Variants in CCDC63 observed in about 807,000 individuals in gnomAD.
CCDC63 encodes coiled-coil domain containing 63, also known as coiled-coil domain-containing protein 63.
CCDC63 carries 54 observed loss-of-function variants against 63.6 expected under a neutral mutation model. That is an observed-to-expected ratio of 0.85 (90% CI 0.68 to 1.07). The LOEUF (loss-of-function observed/expected upper bound fraction) is 1.07. CCDC63 is among the 50% of genes least tolerant of loss of function. The pLI is 0.00. For synonymous variants in CCDC63, 253 were observed against 266.1 expected (o/e 0.95, Z 0.48); for missense variants, 637 against 689.6 (o/e 0.92, Z 0.86).
At chr12:110,878,218 A>T (rs893200989) in intron 5 of CCDC63, among the ~76,000 whole-genome samples, 4 of 152,104 alleles carry the variant, frequency 2.6e-5, no homozygotes, top group African/African-American at 9.7e-5. Context: ...ACATATATAT[A>T]CCTATATGCA....
chr12:110,868,136 C>T (rs7973874), intron 4 of CCDC63, among the ~76,000 whole-genome samples: 29,339 of 144,494 alleles, frequency 0.2, 3,107 homozygotes, highest in African/African-American at 0.27. Flanking sequence ...AGACGATGGG[C>T]GGCCGGGCAG....
At chr12:110,866,684 G>A (rs371420500) in intron 4 of CCDC63, among the ~76,000 whole-genome samples, 1 of 150,746 alleles carries the variant, frequency 6.6e-6, no homozygotes, top group African/African-American at 2.4e-5. Context: ...TTTTCTTAGT[G>A]CAGAACAAAA....
chr12:110,867,838 G>GC (rs1566122410), intron 4 of CCDC63, among the ~76,000 whole-genome samples: 1 of 150,430 alleles, frequency 6.6e-6, no homozygotes, highest in Non-Finnish European at 1.5e-5. Context: ...GGGCAGAGGC[G>GC]CCCCTCACCT....
intron 8 of CCDC63, among the ~76,000 whole-genome samples, chr12:110,887,044 A>C (rs1476998859): frequency 2.0e-5 from 3 of 152,200 alleles, no homozygotes; most frequent in African/African-American, 7.2e-5. Context: ...GGACTAGAGG[A>C]GTCCTCCAAG....
chr12:110,853,384 A>T, intron 2 of CCDC63, 21 bp from the exon 3 acceptor site: 1 of 1,600,636 alleles, frequency 6.2e-7, no homozygotes, highest in Non-Finnish European at 8.5e-7. Context: ...ACGGCCTCCC[A>T]CTCCTCTCCA....
At chr12:110,861,800 GACCTCAA>G (rs2070857347) in intron 4 of CCDC63, among the ~76,000 whole-genome samples, 1 of 149,414 alleles carries the variant, frequency 6.7e-6, no homozygotes, top group Non-Finnish European at 1.5e-5. Context: ...TCGAGCTCCT[GACCTCAA>G]GTGATCTGCC....
At position 110,899,087 on chromosome 12, in the gene CCDC63, C is replaced by T. The variant is rs765282535; in HGVS notation, c.1304C>T (p.Thr435Met). Residue 435 changes from threonine to methionine, a missense_variant, in exon 10 of 12, where the codon ACG becomes ATG. Coordinates refer to ENST00000308208, the MANE Select transcript of CCDC63 (RefSeq NM_152591.3). ...AAGATCCTGGTGCAGTTAGGGGAGACGGGGAAAGTCACTGACATCAACCTT... is the reference window on the plus strand; with the variant it reads ...AAGATCCTGGTGCAGTTAGGGGAGATGGGGAAAGTCACTGACATCAACCTT... Reference protein sequence around the residue: ...ATKILVQLGETGKVTDINLPQ... With the variant: ...ATKILVQLGEMGKVTDINLPQ... 8.7e-6 allele frequency: 14 copies of T among 1,612,382 alleles called. No individual in the cohort carries two copies. Among genetic ancestry groups the T allele is most frequent in the African/African-American group, 5.3e-5 (4 of 74,788 alleles).
chr12:110,867,355 C>T (rs1402864250), intron 4 of CCDC63, among the ~76,000 whole-genome samples: 1,609 of 86,518 alleles, frequency 0.019, 27 homozygotes, highest in Admixed American at 0.036. Context: ...GGAGGGCTGA[C>T]CCCCCCACCT....
chr12:110,882,031 C>T (rs890557191), intron 7 of CCDC63, among the ~76,000 whole-genome samples: 7 of 152,114 alleles, frequency 4.6e-5, no homozygotes, highest in Non-Finnish European at 8.8e-5. Flanking sequence ...TAGCATATCT[C>T]GCAGGACTCA....
upstream of CCDC63, among the ~76,000 whole-genome samples, chr12:110,846,510 ATCTCTT>A (rs962615175): frequency 6.6e-6 from 1 of 151,554 alleles, no homozygotes; most frequent in Non-Finnish European, 1.5e-5. Context: ...CTCATGAAAT[ATCTCTT>A]TCCCCCCCCG....
intron 4 of CCDC63, among the ~76,000 whole-genome samples, chr12:110,861,887 C>T (rs984544712): frequency 6.6e-6 from 1 of 151,984 alleles, no homozygotes; most frequent in African/African-American, 2.4e-5. Flanking sequence ...GCTACTTCTG[C>T]TGGGACATCA....
At chr12:110,873,797 C>T in intron 4 of CCDC63, 45 bp from the exon 5 acceptor site, 3 of 1,605,950 alleles carry the variant, frequency 1.9e-6, no homozygotes, top group Non-Finnish European at 1.7e-6. Flanking sequence ...GGTACCCATA[C>T]AGATGCTAAC....
At chr12:110,881,457 C>T (rs996170579) in intron 7 of CCDC63, among the ~76,000 whole-genome samples, 161 bp downstream of exon 7, 5 of 152,274 alleles carry the variant, frequency 3.3e-5, no homozygotes, top group Middle Eastern at 3.4e-3. Context: ...TGGTGGCTCA[C>T]GCCTGTAATC....
intron 11 of CCDC63, among the ~76,000 whole-genome samples, chr12:110,905,890 A>ATTATATATAATATATATT (rs1200571039): frequency 1.7e-4 from 2 of 11,432 alleles, no homozygotes; most frequent in South Asian, 4.3e-3. Context: ...GTATATATAT[A>ATTATATATAATATATATT]ATATTATATA....
intron 4 of CCDC63, among the ~76,000 whole-genome samples, chr12:110,865,024 A>T (rs1039058644): frequency 1.3e-5 from 2 of 152,196 alleles, no homozygotes; most frequent in Admixed American, 1.3e-4. Context: ...TCTTTTAGGA[A>T]TGAGAAGACT....
At position 110,899,145 on chromosome 12, in the gene CCDC63, G is replaced by A. The variant is rs750885789; in HGVS notation, c.1342+20G>A. The stretch of plus-strand genomic sequence containing the variant: ...ATTTTGGTGAGTCAAGCTGGGGCCC[G>A]TTGGAGTCTTAGGAAACATTTCCAG... On this transcript the variant is annotated intron_variant, in intron 10 of 11. Coordinates refer to ENST00000308208, the MANE Select transcript of CCDC63 (RefSeq NM_152591.3). The A allele has an allele frequency of 7.1e-5, 114 of 1,595,642 alleles. No homozygotes were observed. The highest frequency in any genetic ancestry group is 9.2e-5 in the Non-Finnish European group (108 of 1,169,948).
At chr12:110,847,601 C>T (rs1407022930) in intron 1 of CCDC63, among the ~76,000 whole-genome samples, 1 of 151,476 alleles carries the variant, frequency 6.6e-6, no homozygotes, top group East Asian at 1.9e-4. Context: ...TTATTTTCCT[C>T]CCATAATAAT....
chr12:110,883,992 C>T, intron 7 of CCDC63, 38 bp from the exon 8 acceptor site: 1 of 1,537,188 alleles, frequency 6.5e-7, no homozygotes, highest in Non-Finnish European at 9.0e-7. Flanking sequence ...GAGGAGCTTC[C>T]TTTTGAGTGT....
chr12:110,868,585 GC>G (rs1487879544), intron 4 of CCDC63, among the ~76,000 whole-genome samples: 2 of 151,744 alleles, frequency 1.3e-5, no homozygotes, highest in Admixed American at 6.6e-5. Context: ...GTCAGGTGTG[GC>G]GGCGCGTGCC....
Sources: gnomAD v4.1 joint callset for allele counts (sites outside exome capture counted in the v4.1 genomes callset) on GRCh38, gnomAD v4.1.1 for gene constraint, MANE v1.5 for transcripts, NCBI Gene and HGNC (gene_info 2026-07-23, HGNC 2026-07-21) for gene names.